The following OXR1 variants were observed in gnomAD, a reference collection of about 807,000 sequenced individuals.
OXR1 encodes the protein oxidation resistance protein 1.
In OXR1, 41 loss-of-function variants were observed where a neutral mutation model predicts 104.6. That is an observed-to-expected ratio of 0.39 (90% CI 0.31 to 0.51). The LOEUF (loss-of-function observed/expected upper bound fraction) is 0.51. Ranked by LOEUF, OXR1 falls within the 20% of genes least tolerant of loss-of-function variation. The pLI, the probability that OXR1 is intolerant of heterozygous loss-of-function variation, is 0.77. For synonymous variants in OXR1, 348 were observed against 348.4 expected (o/e 1.00, Z 0.01); for missense variants, 955 against 1,031.9 (o/e 0.93, Z 1.02).
At chr8:106,313,015 C>T (rs1813773653) in intron 1 of OXR1, among the ~76,000 whole-genome samples, 1 of 151,968 alleles carries the variant, frequency 6.6e-6, no homozygotes, top group Non-Finnish European at 1.5e-5. Flanking sequence ...TTATTAGAAA[C>T]GTGATTATAA....
At chr8:106,527,116 T>G (rs1291158524) in intron 3 of OXR1, among the ~76,000 whole-genome samples, 3 of 152,210 alleles carry the variant, frequency 2.0e-5, no homozygotes, top group Non-Finnish European at 4.4e-5. Flanking sequence ...AATCCCAGTA[T>G]GCCTCTTTAT....
At chr8:106,462,485 A>C (rs1820965467) in intron 2 of OXR1, among the ~76,000 whole-genome samples, 2 of 152,162 alleles carry the variant, frequency 1.3e-5, no homozygotes. Flanking sequence ...AATGAATAGC[A>C]AATGCAACAC....
intron 2 of OXR1, among the ~76,000 whole-genome samples, chr8:106,363,597 T>A (rs1206181584): frequency 6.6e-6 from 1 of 152,086 alleles, no homozygotes; most frequent in East Asian, 1.9e-4. Flanking sequence ...ACATGTATGA[T>A]ACTTTGCCAT....
chr8:106,557,629 A>G (rs1816381472), intron 3 of OXR1, among the ~76,000 whole-genome samples: 1 of 152,022 alleles, frequency 6.6e-6, no homozygotes, highest in African/African-American at 2.4e-5. Context: ...TGTTGAATTC[A>G]TCACATAGGA....
chr8:106,631,132 C>A (rs892220808), intron 3 of OXR1, among the ~76,000 whole-genome samples: 5 of 152,120 alleles, frequency 3.3e-5, no homozygotes, highest in African/African-American at 9.7e-5. Flanking sequence ...AGTGGAAGTG[C>A]TTGAAGCTTT....
At chr8:106,495,930 A>T (rs906747555) in intron 2 of OXR1, among the ~76,000 whole-genome samples, 2 of 152,220 alleles carry the variant, frequency 1.3e-5, no homozygotes, top group African/African-American at 4.8e-5. Flanking sequence ...ATAAAATTAT[A>T]TAAAAATCTG....
At position 106,321,311 on chromosome 8, in the gene OXR1, T is replaced by TA. The variant is rs150644570; in HGVS notation, c.-138-38164dup. Among the ~76,000 whole-genome samples, 509 of 152,354 alleles carry TA rather than the reference T, an allele frequency of 3.3e-3. 3 individuals are homozygous for TA. The highest frequency in any genetic ancestry group is 0.012 in the African/African-American group (492 of 41,582). On this transcript the variant is annotated intron_variant, in intron 1 of 16. Coordinates refer to ENST00000517566, the MANE Select transcript of OXR1 (RefSeq NM_001198533.2). ...TTCAAAGAAAAAATGTAATGGATTTTATAGTATATAGTATAGATTTTATAC... is the reference window on the plus strand; with the variant it reads ...TTCAAAGAAAAAATGTAATGGATTTTAATAGTATATAGTATAGATTTTATAC...
intron 1 of OXR1, among the ~76,000 whole-genome samples, chr8:106,288,072 A>G (rs1812572713): frequency 6.6e-6 from 1 of 152,232 alleles, no homozygotes; most frequent in Non-Finnish European, 1.5e-5. Context: ...GGACACACCC[A>G]TGCAGAATGC....
chr8:106,746,622 A>C (rs539848921), intron 16 of OXR1, among the ~76,000 whole-genome samples: 1 of 152,238 alleles, frequency 6.6e-6, no homozygotes, highest in South Asian at 2.1e-4. Context: ...AAGAATATTC[A>C]TCATCCCAGG....
chr8:106,652,548 G>A (rs1273683566), intron 3 of OXR1, among the ~76,000 whole-genome samples: 1 of 151,718 alleles, frequency 6.6e-6, no homozygotes, highest in African/African-American at 2.4e-5. Context: ...TAAGTCATAA[G>A]GAAAATTACT....
At chr8:106,549,562 G>T (rs1163710163) in intron 3 of OXR1, among the ~76,000 whole-genome samples, 1 of 152,110 alleles carries the variant, frequency 6.6e-6, no homozygotes, top group African/African-American at 2.4e-5. Flanking sequence ...CGTTCAGACT[G>T]CTATAACAGA....
At chr8:106,296,918 G>C (rs1199431341) in intron 1 of OXR1, among the ~76,000 whole-genome samples, 1 of 152,172 alleles carries the variant, frequency 6.6e-6, no homozygotes, top group African/African-American at 2.4e-5. Context: ...GATGCTGTAT[G>C]AATATTGCTT....
intron 1 of OXR1, among the ~76,000 whole-genome samples, chr8:106,287,190 A>C (rs751144849): frequency 2.2e-4 from 33 of 152,188 alleles, no homozygotes; most frequent in Non-Finnish European, 2.2e-4. Context: ...TTTAAAATAG[A>C]GGCTTATTTC....
At chr8:106,628,973 C>G (rs184724526) in intron 3 of OXR1, among the ~76,000 whole-genome samples, 1 of 152,154 alleles carries the variant, frequency 6.6e-6, no homozygotes, top group East Asian at 1.9e-4. Context: ...TTTAACTGCA[C>G]TAACACTTCA....
At chr8:106,317,504 A>G (rs1167063514) in intron 1 of OXR1, among the ~76,000 whole-genome samples, 1 of 152,208 alleles carries the variant, frequency 6.6e-6, no homozygotes, top group South Asian at 2.1e-4. Context: ...TTGTTCAGTA[A>G]GGTCTGGTTT....
At chr8:106,749,598 A>G (rs1021497054) in intron 16 of OXR1, among the ~76,000 whole-genome samples, 2 of 152,178 alleles carry the variant, frequency 1.3e-5, no homozygotes, top group Non-Finnish European at 2.9e-5. Context: ...TTGACAGACA[A>G]GTCTTGATCC....
chr8:106,652,270 A>T (rs993659517), intron 3 of OXR1, among the ~76,000 whole-genome samples: 4 of 152,114 alleles, frequency 2.6e-5, no homozygotes, highest in African/African-American at 9.7e-5. Flanking sequence ...GTAGGAGCTT[A>T]AGAGAGGCAG....
chr8:106,677,253 G>A (rs916729403), intron 3 of OXR1, among the ~76,000 whole-genome samples: 3 of 151,350 alleles, frequency 2.0e-5, no homozygotes, highest in Non-Finnish European at 4.4e-5. Context: ...AAAATAAATC[G>A]AATTTTATTT....
intron 3 of OXR1, among the ~76,000 whole-genome samples, chr8:106,632,350 C>A (rs1022202637): frequency 6.6e-6 from 1 of 152,126 alleles, no homozygotes; most frequent in Non-Finnish European, 1.5e-5. Context: ...CTGTTATGGC[C>A]TAAAATCTGA....
Sources: allele counts gnomAD v4.1 joint callset (sites outside exome capture counted in the v4.1 genomes callset), GRCh38; gene constraint gnomAD v4.1.1; transcripts MANE v1.5; gene names NCBI Gene and HGNC (gene_info 2026-07-23, HGNC 2026-07-21).